EHD4: variants seen among roughly 807,000 people sequenced by gnomAD.
EHD4 encodes EH domain-containing protein 4.
EHD4 carries 37 observed loss-of-function variants against 51.0 expected under a neutral mutation model. The observed-to-expected ratio is 0.73, with a 90% confidence interval of 0.56 to 0.95. The LOEUF is 0.95. Ranked by LOEUF, EHD4 falls within the 40% of genes least tolerant of loss-of-function variation. The pLI is 0.00. For missense variants in EHD4, 632 were observed against 733.1 expected, an observed-to-expected ratio of 0.86 and a Z score of 1.59; for synonymous variants, 297 against 317.3, an observed-to-expected ratio of 0.94 and a Z score of 0.68.
intron 5 of EHD4, among the ~76,000 whole-genome samples, chr15:41,906,221 C>A (rs982447058): frequency 6.6e-6 from 1 of 152,140 alleles, no homozygotes; most frequent in Non-Finnish European, 1.5e-5. Flanking sequence ...ATATACCTAC[C>A]CTTCCCTAAT....
intron 4 of EHD4, among the ~76,000 whole-genome samples, chr15:41,914,852 C>G (rs1262620335): frequency 6.6e-6 from 1 of 150,820 alleles, no homozygotes; most frequent in Non-Finnish European, 1.5e-5. Flanking sequence ...GTGGCACGAT[C>G]CTGGTTGACT....
chr15:41,929,865 C>T (rs78150752), intron 3 of EHD4, among the ~76,000 whole-genome samples: 10,135 of 152,230 alleles, frequency 0.067, 353 homozygotes, highest in Non-Finnish European at 0.079. Context: ...AGTACAGACA[C>T]GAACTAGTTA....
chr15:41,963,265 G>C (rs994323725), intron 1 of EHD4, among the ~76,000 whole-genome samples: 1 of 148,102 alleles, frequency 6.8e-6, no homozygotes, highest in Non-Finnish European at 1.5e-5. Flanking sequence ...TCCCCCCCTC[G>C]GAGAAACACC....
chr15:41,918,587 G>A (rs1445822158), intron 4 of EHD4, among the ~76,000 whole-genome samples: 1 of 152,244 alleles, frequency 6.6e-6, no homozygotes, highest in Non-Finnish European at 1.5e-5. Flanking sequence ...TCCTGGGGCT[G>A]CTGAAAGGCT....
chr15:41,972,420 C>G lies in EHD4; in HGVS notation c.75G>C (p.Thr25=). The G allele has an allele frequency of 1.2e-6, 2 of 1,607,884 alleles. No homozygotes were observed. The highest frequency in any genetic ancestry group is 1.7e-6 in the Non-Finnish European group (2 of 1,177,942). The change falls in exon 1 of 6, where the codon ACG becomes ACC. Residue 25 remains threonine (T), a synonymous_variant. Coordinates refer to ENST00000220325, the MANE Select transcript of EHD4 (RefSeq NM_139265.4). ...GCAGGTAGAGCGAGCGCAGCCCGCC[C>G]GTCACCGTCTGCACCGCGTCCGCGC... ...AGGADAVQTV[T]GGLRSLYLRK... is the part of the protein sequence containing the mutation.
intron 1 of EHD4, among the ~76,000 whole-genome samples, chr15:41,968,901 A>G (rs895518817): frequency 2.0e-5 from 3 of 152,174 alleles, no homozygotes; most frequent in African/African-American, 7.2e-5. Flanking sequence ...CATTTTCATC[A>G]CATCAAAGAG....
intron 2 of EHD4, among the ~76,000 whole-genome samples, chr15:41,953,270 C>CT (rs2067865005): frequency 6.6e-6 from 1 of 152,176 alleles, no homozygotes; most frequent in South Asian, 2.1e-4. Context: ...CTAACCAGTG[C>CT]TTAACATTGC....
chr15:41,949,674 A>C (rs1003351353), intron 2 of EHD4, among the ~76,000 whole-genome samples: 1 of 152,178 alleles, frequency 6.6e-6, no homozygotes, highest in Non-Finnish European at 1.5e-5. Context: ...AAACAGAGGC[A>C]ATGAGGAAGT....
At chr15:41,907,673 C>T (rs2067521213) in intron 5 of EHD4, among the ~76,000 whole-genome samples, 1 of 152,036 alleles carries the variant, frequency 6.6e-6, no homozygotes, top group Non-Finnish European at 1.5e-5. Context: ...ACATGCACCA[C>T]CACACCTGGC....
chr15:41,916,083 T>C (rs967970269), intron 4 of EHD4, among the ~76,000 whole-genome samples: 2 of 152,256 alleles, frequency 1.3e-5, no homozygotes, highest in African/African-American at 2.4e-5. Flanking sequence ...TAAATAAACA[T>C]ACTCCACAAC....
At chr15:41,962,271 T>A (rs1479326424) in intron 1 of EHD4, among the ~76,000 whole-genome samples, 1 of 152,152 alleles carries the variant, frequency 6.6e-6, no homozygotes, top group Non-Finnish European at 1.5e-5. Flanking sequence ...AAAGTTCTTC[T>A]CAAAGAATGA....
intron 2 of EHD4, among the ~76,000 whole-genome samples, chr15:41,947,059 G>A (rs966776017): frequency 6.6e-6 from 1 of 152,134 alleles, no homozygotes; most frequent in Non-Finnish European, 1.5e-5. Flanking sequence ...GAGGAGACTG[G>A]GCACAGAGCA....
At chr15:41,925,900 G>A (rs16972286) in intron 3 of EHD4, among the ~76,000 whole-genome samples, 3,516 of 152,290 alleles carry the variant, frequency 0.023, 156 homozygotes, top group African/African-American at 0.081. Flanking sequence ...AGCCACCAGG[G>A]AATGGCATAA....
At chr15:41,958,097 C>T (rs2067899212) in intron 1 of EHD4, among the ~76,000 whole-genome samples, 1 of 144,406 alleles carries the variant, frequency 6.9e-6, no homozygotes, top group Non-Finnish European at 1.6e-5. Context: ...GTATTATCTG[C>T]AATAACAACA....
At chr15:41,914,138 G>C (rs960925655) in intron 4 of EHD4, among the ~76,000 whole-genome samples, 3 of 152,174 alleles carry the variant, frequency 2.0e-5, no homozygotes, top group African/African-American at 7.2e-5. Context: ...TTCAGCGAGT[G>C]CTGGATGCTG....
intron 4 of EHD4, among the ~76,000 whole-genome samples, chr15:41,911,229 T>C (rs1317349586): frequency 6.6e-6 from 1 of 152,216 alleles, no homozygotes; most frequent in Non-Finnish European, 1.5e-5. Flanking sequence ...AAGCATGCAC[T>C]GTGCAGCCTG....
intron 4 of EHD4, among the ~76,000 whole-genome samples, chr15:41,914,478 T>C (rs1030427559): frequency 2.7e-5 from 4 of 150,288 alleles, no homozygotes; most frequent in African/African-American, 9.8e-5. Context: ...AGCAAGGGTT[T>C]GTTATTCTGC....
At position 41,907,020 on chromosome 15, in the gene EHD4, G is replaced by A. The variant is rs538422732; in HGVS notation, c.1089+2679C>T. Among the ~76,000 whole-genome samples the A allele has an allele frequency of 3.3e-5, 5 of 152,318 alleles. No homozygotes were observed. In the South Asian group the frequency reaches 1.0e-3, roughly 32 times the overall value. ...TCCCCCAGCTCAGAGGACCCTGGGT[G>A]TCTTCTGACCTGGCCAGCCCAGGCT... On this transcript the variant is annotated intron_variant, in intron 5 of 5. Coordinates refer to ENST00000220325, the MANE Select transcript of EHD4 (RefSeq NM_139265.4).
chr15:41,912,026 C>A (rs1019896302), intron 4 of EHD4, among the ~76,000 whole-genome samples: 1 of 152,186 alleles, frequency 6.6e-6, no homozygotes, highest in Non-Finnish European at 1.5e-5. Context: ...CTGATGTGCA[C>A]CTGCCACACC....
Sources: gnomAD v4.1 joint callset for allele counts (sites outside exome capture counted in the v4.1 genomes callset) on GRCh38, gnomAD v4.1.1 for gene constraint, MANE v1.5 for transcripts, NCBI Gene and HGNC (gene_info 2026-07-23, HGNC 2026-07-21) for gene names.